The following POU6F2 variants were observed in gnomAD, a reference collection of about 807,000 sequenced individuals.
POU6F2 encodes the protein POU domain, class 6, transcription factor 2.
Under a neutral mutation model 71.3 loss-of-function variants are expected in POU6F2, and 31 were observed. The ratio of observed to expected loss-of-function variants is 0.43; its 90% CI spans 0.33 to 0.59. POU6F2 has a LOEUF of 0.59. Ranked by LOEUF, POU6F2 falls within the 20% of genes least tolerant of loss-of-function variation. The probability of loss-of-function intolerance (pLI) is 0.04; values close to 1 mark genes in which losing one functional copy is unlikely to be tolerated. For missense variants in POU6F2, 783 were observed against 856.8 expected, an observed-to-expected ratio of 0.91 and a Z score of 1.07; for synonymous variants, 347 against 355.7, an observed-to-expected ratio of 0.98 and a Z score of 0.27.
intron 4 of POU6F2, among the ~76,000 whole-genome samples, chr7:39,303,156 G>T (rs1390966589): frequency 1.3e-5 from 2 of 151,918 alleles, no homozygotes; most frequent in Admixed American, 6.6e-5. Context: ...TTTGTTTTTT[G>T]TTTTTTTGGT....
At chr7:39,456,319 G>T (rs967796601) in intron 8 of POU6F2, among the ~76,000 whole-genome samples, 1 of 152,180 alleles carries the variant, frequency 6.6e-6, no homozygotes, top group Non-Finnish European at 1.5e-5. Flanking sequence ...AGGACAGAAT[G>T]TGAAATTCTG....
chr7:39,158,465 C>T (rs1419541314), intron 2 of POU6F2, among the ~76,000 whole-genome samples: 1 of 152,048 alleles, frequency 6.6e-6, no homozygotes, highest in Non-Finnish European at 1.5e-5. Flanking sequence ...GGGCTTGGAT[C>T]ATATGATTAT....
chr7:39,194,691 T>C lies in POU6F2; in HGVS notation c.278-9544T>C, dbSNP rs1158288518. Among the ~76,000 whole-genome samples, 4 of 152,336 alleles carry C rather than the reference T, an allele frequency of 2.6e-5. No individual in the cohort carries two copies. The East Asian group carries it at 5.8e-4, about 22-fold the overall frequency. On this transcript the variant is annotated intron_variant, in intron 2 of 9. Coordinates refer to ENST00000518318, the MANE Select transcript of POU6F2 (RefSeq NM_001370959.1). ...AACCCACTCCGGTCCCCTTCTACGC[T>C]GTGGGATATTTGTTCTTTCGTTCTT... is the stretch of plus-strand genomic sequence containing the variant.
chr7:39,339,528 G>T, intron 4 of POU6F2, 114 bp from the exon 5 acceptor site: 1 of 1,387,668 alleles, frequency 7.2e-7, no homozygotes, highest in South Asian at 1.5e-5. Flanking sequence ...CAGGGGGCAA[G>T]GACAAGAATT....
chr7:39,367,647 G>A (rs888738572), intron 5 of POU6F2, among the ~76,000 whole-genome samples: 2 of 152,082 alleles, frequency 1.3e-5, no homozygotes, highest in African/African-American at 4.8e-5. Flanking sequence ...ATCTCATACA[G>A]GCATACCTCG....
rs1395481745 is a variant in POU6F2, at chr7:39,085,878, C to T, written c.124C>T (p.Gln42Ter). ...VIGQDPMIAG[Q>*]VSKPLLSVRS... ...ATCCTAGGATCCAATGATAGCTGGA[C>T]AAGTCAGTAAGCCCTTGCTGTCAGT... Residue 42 changes from glutamine to a stop codon, truncating the protein, a stop_gained, in exon 2 of 10, where the codon CAA becomes TAA. Coordinates refer to ENST00000518318, the MANE Select transcript of POU6F2 (RefSeq NM_001370959.1). LOFTEE classifies it high-confidence loss of function. 2 of 1,613,388 alleles carry T rather than the reference C, an allele frequency of 1.2e-6. No individual in the cohort carries two copies. Among genetic ancestry groups the T allele is most frequent in the Non-Finnish European group, 1.7e-6 (2 of 1,179,740 alleles).
At chr7:39,166,435 G>A (rs1323422038) in intron 2 of POU6F2, among the ~76,000 whole-genome samples, 4 of 151,964 alleles carry the variant, frequency 2.6e-5, no homozygotes, top group Admixed American at 2.0e-4. Flanking sequence ...AACTTTCTTC[G>A]CCTGCTGAAT....
chr7:39,189,053 G>A (rs1395220272), intron 2 of POU6F2, among the ~76,000 whole-genome samples: 1 of 152,264 alleles, frequency 6.6e-6, no homozygotes, highest in African/African-American at 2.4e-5. Context: ...AATGAACCTT[G>A]TACTCTTTAA....
chr7:39,199,209 T>G (rs1793844724), intron 2 of POU6F2, among the ~76,000 whole-genome samples: 1 of 152,254 alleles, frequency 6.6e-6, no homozygotes. Context: ...GGAGTTGTTT[T>G]GCTTGGGATG....
chr7:39,393,653 G>A (rs1250479767), intron 5 of POU6F2, among the ~76,000 whole-genome samples: 2 of 152,014 alleles, frequency 1.3e-5, no homozygotes, highest in African/African-American at 2.4e-5. Context: ...AATATATATC[G>A]TATGGCCCAA....
At chr7:39,354,077 C>T (rs1264243384) in intron 5 of POU6F2, among the ~76,000 whole-genome samples, 1 of 152,186 alleles carries the variant, frequency 6.6e-6, no homozygotes, top group African/African-American at 2.4e-5. Flanking sequence ...TCCTGGCTTG[C>T]TCTGACCTCC....
intron 2 of POU6F2, among the ~76,000 whole-genome samples, chr7:39,127,913 G>A (rs1289261014): frequency 7.4e-6 from 1 of 135,474 alleles, no homozygotes; most frequent in African/African-American, 2.8e-5. Context: ...TGCAATCTCT[G>A]CTCACTGCAA....
chr7:39,399,028 G>A (rs1004403422), intron 5 of POU6F2, among the ~76,000 whole-genome samples: 1 of 152,158 alleles, frequency 6.6e-6, no homozygotes, highest in Non-Finnish European at 1.5e-5. Flanking sequence ...GTTTCACTGT[G>A]CTGCTTCCAC....
chr7:39,047,831 A>G (rs1192884338), intron 1 of POU6F2, among the ~76,000 whole-genome samples: 1 of 151,922 alleles, frequency 6.6e-6, no homozygotes, highest in Non-Finnish European at 1.5e-5. Context: ...GGTAATTTTT[A>G]GGTGTTAAAT....
At chr7:39,133,333 G>T (rs1453203257) in intron 2 of POU6F2, among the ~76,000 whole-genome samples, 1 of 152,156 alleles carries the variant, frequency 6.6e-6, no homozygotes, top group Non-Finnish European at 1.5e-5. Flanking sequence ...TGTGTGTTGT[G>T]GTGTGAGTCA....
chr7:39,128,456 G>C (rs1792189251), intron 2 of POU6F2, among the ~76,000 whole-genome samples: 1 of 152,098 alleles, frequency 6.6e-6, no homozygotes, highest in African/African-American at 2.4e-5. Flanking sequence ...CTGAGCATTA[G>C]CAAAATTTGG....
At chr7:39,420,675 G>T (rs1787830484) in intron 6 of POU6F2, among the ~76,000 whole-genome samples, 2 of 152,082 alleles carry the variant, frequency 1.3e-5, no homozygotes, top group Non-Finnish European at 2.9e-5. Context: ...TAAGTTAATG[G>T]TTTTGTAGCT....
chr7:39,274,227 G>A (rs1049913973), intron 4 of POU6F2, among the ~76,000 whole-genome samples: 108 of 152,090 alleles, frequency 7.1e-4, no homozygotes, highest in African/African-American at 2.0e-3. Flanking sequence ...TATCACCACC[G>A]ATCCCACAGA....
chr7:39,096,076 A>C (rs546525060), intron 2 of POU6F2, among the ~76,000 whole-genome samples: 50 of 152,284 alleles, frequency 3.3e-4, no homozygotes, highest in African/African-American at 1.2e-3. Context: ...ATAGAACCAG[A>C]AACAGCAGGA....
Sources: gnomAD v4.1 joint callset for allele counts (sites outside exome capture counted in the v4.1 genomes callset) on GRCh38, gnomAD v4.1.1 for gene constraint, MANE v1.5 for transcripts, NCBI Gene and HGNC (gene_info 2026-07-23, HGNC 2026-07-21) for gene names.